The following FAM24B variants were observed in gnomAD, a reference collection of about 807,000 sequenced individuals.
FAM24B encodes the protein protein FAM24B.
Under a neutral mutation model 2.3 loss-of-function variants are expected in FAM24B, and 3 were observed. The ratio of observed to expected loss-of-function variants is 1.29; its 90% CI spans 0.59 to 3.32. The LOEUF (loss-of-function observed/expected upper bound fraction) is 3.32, where lower values mean the gene tolerates loss of function less well. Among genes scored for constraint, FAM24B ranks in the 30% most tolerant of loss-of-function variants. The pLI is 0.03. For missense variants in FAM24B, 98 were observed against 117.2 expected (o/e 0.84, Z 0.76); for synonymous variants, 36 against 46.3 (o/e 0.78, Z 0.90).
intron 1 of FAM24B, among the ~76,000 whole-genome samples, chr10:122,878,052 G>A (rs1291375031): frequency 6.6e-6 from 1 of 152,192 alleles, no homozygotes; most frequent in African/African-American, 2.4e-5. Flanking sequence ...AACTCTAAGT[G>A]TAGCAGAGAG....
At chr10:122,865,131 G>C (rs1847782719) in intron 1 of FAM24B, among the ~76,000 whole-genome samples, 2 of 152,310 alleles carry the variant, frequency 1.3e-5, no homozygotes, top group South Asian at 4.1e-4. Flanking sequence ...CCAACCAGCA[G>C]TGAATAAGAA....
In FAM24B at chr10:122,851,736, G is replaced by A. The variant is rs145428390; in HGVS notation, c.-35-1186C>T. On this transcript the variant is annotated intron_variant, in intron 2 of 3. Transcript: ENST00000368898. Reference sequence around the variant, plus strand: ...ATAAGAAAGTATGGCCCATAAAGGAGTGGGGGAGCAATAAATAAAAACTGT... The same window carrying A: ...ATAAGAAAGTATGGCCCATAAAGGAATGGGGGAGCAATAAATAAAAACTGT... Among the ~76,000 whole-genome samples the A allele has an allele frequency of 2.8e-3, 430 of 152,286 alleles. 3 individuals carry two copies. Among genetic ancestry groups the A allele is most frequent in the African/African-American group, 5.4e-3 (224 of 41,556 alleles).
chr10:122,852,201 G>T (rs1338141813), intron 2 of FAM24B, among the ~76,000 whole-genome samples: 1 of 152,184 alleles, frequency 6.6e-6, no homozygotes. Flanking sequence ...CAACTCTTAA[G>T]TCAACCAGAA....
intron 1 of FAM24B, among the ~76,000 whole-genome samples, chr10:122,868,947 G>C (rs1292595703): frequency 1.3e-5 from 2 of 152,002 alleles, no homozygotes; most frequent in Non-Finnish European, 2.9e-5. Context: ...TAACCTTAAA[G>C]GTAAATGGGC....
chr10:122,854,979 G>T (rs941438254), intron 2 of FAM24B, among the ~76,000 whole-genome samples: 11 of 152,150 alleles, frequency 7.2e-5, no homozygotes, highest in African/African-American at 2.7e-4. Context: ...CTCCCTACTT[G>T]ACCCAGTTCC....
intron 1 of FAM24B, among the ~76,000 whole-genome samples, chr10:122,858,555 T>C (rs1414918404): frequency 6.8e-6 from 1 of 147,062 alleles, no homozygotes; most frequent in African/African-American, 2.5e-5. Context: ...AGTGTAATAA[T>C]AAAAAAAAAA....
chr10:122,852,624 C>T (rs1270860664), intron 2 of FAM24B, among the ~76,000 whole-genome samples: 1 of 152,084 alleles, frequency 6.6e-6, no homozygotes, highest in Non-Finnish European at 1.5e-5. Flanking sequence ...GAAAGTTGCC[C>T]CATTATCTAT....
chr10:122,852,772 T>G (rs530025962), intron 2 of FAM24B, among the ~76,000 whole-genome samples: 1 of 152,192 alleles, frequency 6.6e-6, no homozygotes, highest in Non-Finnish European at 1.5e-5. Context: ...TCTTTACAGC[T>G]TGGTAACAGT....
chr10:122,851,468 C>T (rs928254553), intron 2 of FAM24B, among the ~76,000 whole-genome samples: 2 of 152,236 alleles, frequency 1.3e-5, no homozygotes, highest in African/African-American at 4.8e-5. Context: ...TCAGGACACA[C>T]GCTGTGTGAC....
Position 122,849,152 on chromosome 10 carries a change from A to G in FAM24B, c.*95T>C. On this transcript the variant is annotated 3_prime_UTR_variant, in exon 4 of 4. Transcript: ENST00000368898. The stretch of plus-strand genomic sequence containing the variant: ...TATAAAACAACACTGTAAATTATAT[A>G]ATCTCACATAAAAACACTAGAACTT... 1.1e-6 allele frequency: 1 copy of G among 892,266 alleles called. No homozygotes were observed. Among genetic ancestry groups the G allele is most frequent in the South Asian group, 2.8e-5 (1 of 35,864 alleles). 55.3% of individuals were successfully genotyped at this position (892,266 alleles called of 1,614,324 possible).
chr10:122,870,032 C>A (rs920819819), intron 1 of FAM24B, among the ~76,000 whole-genome samples: 1 of 152,120 alleles, frequency 6.6e-6, no homozygotes, highest in Admixed American at 6.6e-5. Context: ...AATTGATAGA[C>A]CGCTAGTAAG....
chr10:122,872,206 C>T (rs1471322393), intron 1 of FAM24B, among the ~76,000 whole-genome samples: 1 of 152,198 alleles, frequency 6.6e-6, no homozygotes, highest in Non-Finnish European at 1.5e-5. Flanking sequence ...CACTGGCCAT[C>T]AGAGAAATGC....
intron 1 of FAM24B, among the ~76,000 whole-genome samples, chr10:122,864,697 C>T (rs1382829307): frequency 3.3e-5 from 5 of 152,202 alleles, no homozygotes; most frequent in African/African-American, 1.2e-4. Context: ...CCCCCAAAAT[C>T]CCATGCTTCA....
intron 1 of FAM24B, among the ~76,000 whole-genome samples, chr10:122,864,689 C>T (rs1451299705): frequency 6.6e-6 from 1 of 152,112 alleles, no homozygotes; most frequent in Non-Finnish European, 1.5e-5. Context: ...TAATTTTGCC[C>T]CCAAAATCCC....
chr10:122,873,266 T>C (rs973269748), intron 1 of FAM24B, among the ~76,000 whole-genome samples: 1 of 152,372 alleles, frequency 6.6e-6, no homozygotes, highest in Middle Eastern at 3.4e-3. Context: ...ATATAGCTGA[T>C]GATTTCAAGT....
At chr10:122,875,729 G>A (rs906957266) in intron 1 of FAM24B, among the ~76,000 whole-genome samples, 3 of 142,312 alleles carry the variant, frequency 2.1e-5, no homozygotes, top group Non-Finnish European at 3.1e-5. Flanking sequence ...GCTGGCACTA[G>A]GGAAAGGCAG....
intron 1 of FAM24B, among the ~76,000 whole-genome samples, chr10:122,869,590 G>C (rs1187018627): frequency 6.6e-6 from 1 of 152,092 alleles, no homozygotes; most frequent in Non-Finnish European, 1.5e-5. Context: ...CTGTCTCTCA[G>C]ACCACAGTGC....
intron 1 of FAM24B, among the ~76,000 whole-genome samples, chr10:122,866,238 CT>C (rs1188085563): frequency 6.6e-6 from 1 of 152,048 alleles, no homozygotes; most frequent in Non-Finnish European, 1.5e-5. Context: ...GGAATCAATA[CT>C]AATGGTCCTG....
rs578102644 is a variant in FAM24B, at chr10:122,878,672, C to G, written c.-178+813G>C. Among the ~76,000 whole-genome samples the G allele has an allele frequency of 2.8e-4, 43 of 151,992 alleles. 1 individual carries two copies. In the South Asian group the frequency reaches 8.3e-3, roughly 29 times the overall value. On this transcript the variant is annotated intron_variant, in intron 1 of 3. Coordinates refer to ENST00000368898, the MANE Select transcript of FAM24B (RefSeq NM_152644.3). ...TGACTATCAACCAGTAAAGAAACTC[C>G]TGGAATTGTTCCGATGAAAGCTAGT...
Sources: gnomAD v4.1 joint callset for allele counts (sites outside exome capture counted in the v4.1 genomes callset) on GRCh38, gnomAD v4.1.1 for gene constraint, MANE v1.5 for transcripts, NCBI Gene and HGNC (gene_info 2026-07-23, HGNC 2026-07-21) for gene names.